C2CD5: variants seen among roughly 807,000 people sequenced by gnomAD.
The protein encoded by C2CD5 is C2 domain-containing protein 5.
A neutral mutation model predicts 130.3 loss-of-function variants in C2CD5; 109 were observed. The ratio of observed to expected loss-of-function variants is 0.84; its 90% CI spans 0.72 to 0.98. The LOEUF is 0.98. Among genes scored for constraint, C2CD5 ranks in the 50% least tolerant of loss-of-function variants. The pLI is 0.00. For missense variants in C2CD5, 996 were observed against 1,261.8 expected, an observed-to-expected ratio of 0.79 and a Z score of 3.19; for synonymous variants, 454 against 429.2, an observed-to-expected ratio of 1.06 and a Z score of -0.71.
At chr12:22,456,885 C>CA (rs1003123975) in intron 25 of C2CD5, 86 bp downstream of exon 25, 11 of 809,404 alleles carry the variant, frequency 1.4e-5, no homozygotes, top group African/African-American at 9.1e-5. Context: ...AAGTTTTTGG[C>CA]AAAAAATAAC....
chr12:22,458,215 T>G (rs896804692), intron 24 of C2CD5, among the ~76,000 whole-genome samples: 3 of 152,168 alleles, frequency 2.0e-5, no homozygotes, highest in African/African-American at 7.2e-5. Context: ...TTACTTCCAA[T>G]TAGAATGATA....
intron 3 of C2CD5, among the ~76,000 whole-genome samples, chr12:22,531,646 T>C (rs980522036): frequency 1.4e-4 from 21 of 152,218 alleles, no homozygotes; most frequent in African/African-American, 4.8e-4. Flanking sequence ...TCCATTTGCT[T>C]GAAAACCTTT....
At chr12:22,538,696 T>C (rs1952058255) in intron 2 of C2CD5, among the ~76,000 whole-genome samples, 1 of 152,222 alleles carries the variant, frequency 6.6e-6, no homozygotes, top group Non-Finnish European at 1.5e-5. Context: ...CAATCACATA[T>C]GAATGAAATT....
At position 22,459,680 on chromosome 12, in the gene C2CD5, T is replaced by G; in HGVS notation, c.2534-138A>C. ...GGCTTCATTGCAAAAGCAAACCAAA[T>G]AAAAGCATCTAGGTTTAAAATGCAG... On this transcript the variant is annotated intron_variant, in intron 22 of 26. Transcript: ENST00000446597. 6.0e-6 allele frequency: 3 copies of G among 497,400 alleles called. 1 individual carries two copies. The South Asian group carries it at 1.1e-4, about 18-fold the overall frequency. The allele number at this position is 497,400 out of a possible 1,614,324, so 30.8% of individuals were successfully genotyped here. A position where few individuals can be genotyped will look rare whatever the true frequency, so the allele number is the denominator to read the frequency against.
intron 9 of C2CD5, among the ~76,000 whole-genome samples, chr12:22,509,539 A>G (rs936718324): frequency 2.6e-5 from 4 of 152,142 alleles, no homozygotes; most frequent in African/African-American, 4.8e-5. Flanking sequence ...TAAAACACAA[A>G]ATTTAACCTA....
intron 2 of C2CD5, among the ~76,000 whole-genome samples, chr12:22,537,752 T>C (rs1216197008): frequency 6.6e-6 from 1 of 152,210 alleles, no homozygotes. Context: ...CCTAGCAAAA[T>C]GTCTGCACAT....
In C2CD5 at chr12:22,523,502, C is replaced by T. The variant is rs368027879; in HGVS notation, c.724G>A (p.Ala242Thr). Residue 242 changes from alanine to threonine, a missense_variant, in exon 7 of 27, where the codon GCG becomes ACG. Ala to Thr is a moderately conservative substitution (Grantham distance 58). Around this residue, in one of 9 missense-constraint regions of C2CD5, gnomAD observed 156 missense variants for 165.9 expected, o/e 0.94. Coordinates refer to ENST00000446597, the MANE Select transcript of C2CD5 (RefSeq NM_001286176.2). Reference sequence around the variant, plus strand: ...CTACTTAATTTATCCAGAGTACACGCCGTTCCTATGGCTCGCACCACTAAC... The same window carrying T: ...CTACTTAATTTATCCAGAGTACACGTCGTTCCTATGGCTCGCACCACTAAC... ...SGLVVRAIGT[A>T]CTLDKLSSPA... is the part of the protein sequence containing the mutation. The T allele has an allele frequency of 6.2e-7, 1 of 1,613,996 alleles. No individual in the cohort carries two copies. Among genetic ancestry groups the T allele is most frequent in the African/African-American group, 1.3e-5 (1 of 75,016 alleles).
intron 3 of C2CD5, among the ~76,000 whole-genome samples, chr12:22,532,294 C>T (rs1183284328): frequency 6.6e-6 from 1 of 151,638 alleles, no homozygotes. Flanking sequence ...CCCACCATTG[C>T]CCTCCAGCCT....
intron 25 of C2CD5, among the ~76,000 whole-genome samples, chr12:22,455,841 T>C (rs150728367): frequency 2.8e-3 from 427 of 152,164 alleles, no homozygotes; most frequent in African/African-American, 9.3e-3. Context: ...TGTGCCACCA[T>C]GCCCGGCTAA....
At chr12:22,484,917 T>G (rs1455726450) in intron 12 of C2CD5, 29 bp from the exon 13 acceptor site, 1 of 1,172,178 alleles carries the variant, frequency 8.5e-7, no homozygotes, top group East Asian at 2.8e-5. Flanking sequence ...AAATAAGATA[T>G]TCTTTAAAAA....
At chr12:22,506,308 T>C (rs964415044) in intron 10 of C2CD5, among the ~76,000 whole-genome samples, 1 of 152,190 alleles carries the variant, frequency 6.6e-6, no homozygotes, top group African/African-American at 2.4e-5. Context: ...TGCCCAGCTT[T>C]ACAATTACAT....
chr12:22,489,146 G>C (rs181079075), intron 12 of C2CD5, among the ~76,000 whole-genome samples: 1 of 151,970 alleles, frequency 6.6e-6, no homozygotes, highest in Admixed American at 6.6e-5. Context: ...AAAGTGCTAG[G>C]ATTACAGGCG....
In C2CD5 at chr12:22,463,986, T is replaced by C. The variant is rs1216104706; in HGVS notation, c.2534-4444A>G. The C allele has an allele frequency of 3.3e-5, 5 of 152,358 alleles. No homozygotes were observed. The East Asian group carries it at 9.6e-4, about 29-fold the overall frequency. The allele number at this position is 152,358 out of a possible 1,614,324, so 9.4% of individuals were successfully genotyped here. On this transcript the variant is annotated intron_variant, in intron 22 of 26. Coordinates refer to ENST00000446597, the MANE Select transcript of C2CD5 (RefSeq NM_001286176.2). ...GAATTTCCATCAATTGATAATGCAT[T>C]GATTAGTTATGCTTTATAAGTATAA... is the stretch of plus-strand genomic sequence containing the variant.
At chr12:22,496,999 C>T (rs146145724) in intron 10 of C2CD5, among the ~76,000 whole-genome samples, 13 of 152,078 alleles carry the variant, frequency 8.5e-5, no homozygotes, top group East Asian at 7.7e-4. Context: ...AATTCTAAAA[C>T]GGCAGTTTAT....
At chr12:22,471,815 T>C in intron 19 of C2CD5, 152 bp downstream of exon 19, 1 of 569,902 alleles carries the variant, frequency 1.8e-6, no homozygotes, top group Non-Finnish European at 3.1e-6. Context: ...AGGACAACTT[T>C]AGTATCTCAC....
At chr12:22,543,036 A>G (rs565717691) in intron 2 of C2CD5, among the ~76,000 whole-genome samples, 3 of 152,368 alleles carry the variant, frequency 2.0e-5, no homozygotes, top group Admixed American at 6.5e-5. Flanking sequence ...AAATGAAGTG[A>G]TTAAGAATCA....
intron 8 of C2CD5, among the ~76,000 whole-genome samples, chr12:22,517,442 T>C (rs1949848312): frequency 6.6e-6 from 1 of 151,948 alleles, no homozygotes; most frequent in Non-Finnish European, 1.5e-5. Flanking sequence ...ACAAATTTAA[T>C]GAACAGAAAA....
chr12:22,457,414 G>C (rs1409429457), intron 24 of C2CD5, among the ~76,000 whole-genome samples: 1 of 152,170 alleles, frequency 6.6e-6, no homozygotes, highest in Non-Finnish European at 1.5e-5. Context: ...ATGCAGTATA[G>C]CTACACACAC....
At chr12:22,511,605 T>C (rs1250576693) in intron 9 of C2CD5, among the ~76,000 whole-genome samples, 5 of 152,238 alleles carry the variant, frequency 3.3e-5, no homozygotes, top group Non-Finnish European at 7.3e-5. Context: ...TAGTAATCTA[T>C]GTCCAATGTG....
Sources: allele counts gnomAD v4.1 joint callset (sites outside exome capture counted in the v4.1 genomes callset), GRCh38; gene constraint gnomAD v4.1.1; regional missense constraint gnomAD v4.1.1; transcripts MANE v1.5; gene names NCBI Gene and HGNC (gene_info 2026-07-23, HGNC 2026-07-21).